DCHS2: variants seen among roughly 807,000 people sequenced by gnomAD.
DCHS2 encodes the protein dachsous cadherin-related 2.
DCHS2 carries 142 observed loss-of-function variants against 182.4 expected under a neutral mutation model. The observed-to-expected ratio is 0.78, with a 90% CI of 0.68 to 0.89. The LOEUF (loss-of-function observed/expected upper bound fraction) is 0.89, where lower values mean the gene tolerates loss of function less well. Ranked by LOEUF, DCHS2 falls within the 40% of genes least tolerant of loss-of-function variation. The pLI is 0.00. For synonymous variants in DCHS2, 1,740 were observed against 1,663.3 expected, an observed-to-expected ratio of 1.05 and a Z score of -1.12; for missense variants, 4,319 against 4,198.6, an observed-to-expected ratio of 1.03 and a Z score of -0.79.
intron 1 of DCHS2, among the ~76,000 whole-genome samples, chr4:154,432,986 T>C (rs1733620451): frequency 1.3e-5 from 2 of 152,180 alleles, no homozygotes; most frequent in Admixed American, 6.5e-5. Context: ...GGTTGAATCA[T>C]GTCCTGCAAA....
chr4:154,234,788 C>T lies in DCHS2; in HGVS notation c.9864G>A (p.Gly3288=). The T allele has an allele frequency of 6.2e-7, 1 of 1,613,980 alleles. No homozygotes were observed. Among genetic ancestry groups the T allele is most frequent in the Non-Finnish European group, 8.5e-7 (1 of 1,179,920 alleles). Residue 3288 remains glycine, a synonymous_variant, in exon 20 of 20, where the codon GGG becomes GGA. Transcript: ENST00000357232. ...GCATTCTTGGTGGGACTGCTTTAATCCCAGGCTGGGCTACTGCTGTTATCA... is the reference window on the plus strand; with the variant it reads ...GCATTCTTGGTGGGACTGCTTTAATTCCAGGCTGGGCTACTGCTGTTATCA... ...PPLITAVAQP[G]IKAVPPRMPA... is the part of the protein sequence containing the mutation.
Position 154,491,635 on chromosome 4 carries a change from C to T in DCHS2, c.-280G>A. The T allele has an allele frequency of 7.6e-7, 1 of 1,308,898 alleles. No homozygotes were observed. The highest frequency in any genetic ancestry group is 9.7e-7 in the Non-Finnish European group (1 of 1,034,250). 81.1% of individuals were successfully genotyped at this position (1,308,898 alleles called of 1,614,324 possible). A position where few individuals can be genotyped will look rare whatever the true frequency, so the allele number is the denominator to read the frequency against. On this transcript the variant is annotated 5_prime_UTR_variant, in exon 1 of 20. Transcript: ENST00000357232. ...CTTTAAACGAATCTCATCTCTTTTTCTCTCTCCTTTTATTCCCTTTACATC... is the reference window on the plus strand; with the variant it reads ...CTTTAAACGAATCTCATCTCTTTTTTTCTCTCCTTTTATTCCCTTTACATC...
intron 12 of DCHS2, among the ~76,000 whole-genome samples, chr4:154,300,379 C>A (rs1735147181): frequency 1.3e-5 from 2 of 151,980 alleles, no homozygotes; most frequent in Non-Finnish European, 2.9e-5. Flanking sequence ...ATCGAGGCAG[C>A]AATGTCAAAG....
chr4:154,259,548 T>C lies in DCHS2; in HGVS notation c.6786A>G (p.Ile2262Met). 6.2e-7 allele frequency: 1 copy of C among 1,613,650 alleles called. No individual in the cohort carries two copies. Among genetic ancestry groups the C allele is most frequent in the Non-Finnish European group, 8.5e-7 (1 of 1,179,942 alleles). ...CACACAAATATATTTCTGTTACCTG[T>C]ATGACATGAGCATTGTAGAGTTGGC... The part of the protein sequence containing the change: ...SESQLYNAHV[I>M]QVFATDLDSG... The change falls in exon 15 of 20, where the codon ATA becomes ATG. Residue 2262 changes from isoleucine to methionine, a missense_variant. Transcript: ENST00000357232.
At chr4:154,468,924 G>A (rs1208402871) in intron 1 of DCHS2, among the ~76,000 whole-genome samples, 4 of 152,156 alleles carry the variant, frequency 2.6e-5, no homozygotes, top group Admixed American at 6.5e-5. Flanking sequence ...AGGGAGAGAC[G>A]TGAAGAAGGA....
At chr4:154,318,694 G>C (rs1735946295) in intron 9 of DCHS2, among the ~76,000 whole-genome samples, 1 of 151,974 alleles carries the variant, frequency 6.6e-6, no homozygotes, top group Non-Finnish European at 1.5e-5. Flanking sequence ...AATGATGAAA[G>C]AAATTAAAGA....
chr4:154,410,048 G>C (rs1302644946), intron 1 of DCHS2, among the ~76,000 whole-genome samples: 1 of 152,142 alleles, frequency 6.6e-6, no homozygotes, highest in Non-Finnish European at 1.5e-5. Flanking sequence ...ACTCCGTAAA[G>C]TTTGGAAGAA....
chr4:154,258,367 C>CTTTTTTTTTTT (rs771510956), intron 15 of DCHS2, among the ~76,000 whole-genome samples: 65 of 58,846 alleles, frequency 1.1e-3, no homozygotes, highest in African/African-American at 1.2e-3. Flanking sequence ...AAAAGAAAGG[C>CTTTTTTTTTTT]TTTTTTTTTT....
intron 1 of DCHS2, among the ~76,000 whole-genome samples, chr4:154,479,662 T>G (rs1006947386): frequency 6.6e-6 from 1 of 152,222 alleles, no homozygotes; most frequent in Non-Finnish European, 1.5e-5. Flanking sequence ...TAAAATCTAC[T>G]AAGAATCAAG....
chr4:154,313,647 T>C (rs57464932), intron 10 of DCHS2, among the ~76,000 whole-genome samples: 40,810 of 151,980 alleles, frequency 0.27, 6,496 homozygotes, highest in South Asian at 0.36. Flanking sequence ...AAAAAAAAGA[T>C]TGAGGGAAAA....
At chr4:154,408,526 G>A (rs887575403) in intron 1 of DCHS2, among the ~76,000 whole-genome samples, 1 of 151,970 alleles carries the variant, frequency 6.6e-6, no homozygotes, top group Admixed American at 6.6e-5. Flanking sequence ...AAAAAGGAAA[G>A]ATTTAAGAAT....
At chr4:154,433,109 C>T (rs1382999113) in intron 1 of DCHS2, among the ~76,000 whole-genome samples, 1 of 152,082 alleles carries the variant, frequency 6.6e-6, no homozygotes, top group African/African-American at 2.4e-5. Flanking sequence ...TAGGCGGACC[C>T]TAAACCCAAT....
chr4:154,333,759 G>GACTGTACTGTTTGT, intron 4 of DCHS2: 1 of 444,268 alleles, frequency 2.3e-6, no homozygotes, highest in Non-Finnish European at 4.0e-6. Flanking sequence ...TGTAGCCTAG[G>GACTGTACTGTTTGT]AGCAATCGAC....
At chr4:154,325,918 T>C (rs1461018350) in intron 7 of DCHS2, among the ~76,000 whole-genome samples, 4 of 152,380 alleles carry the variant, frequency 2.6e-5, no homozygotes, top group African/African-American at 9.6e-5. Flanking sequence ...TTCTGTAAAA[T>C]CCTTGCCTTC....
At chr4:154,389,215 C>A (rs1467397442) in intron 1 of DCHS2, among the ~76,000 whole-genome samples, 1 of 152,040 alleles carries the variant, frequency 6.6e-6, no homozygotes, top group African/African-American at 2.4e-5. Context: ...TTCTCTCTCT[C>A]TTTTTTCAAC....
chr4:154,234,379 T>C lies in DCHS2; in HGVS notation c.*157A>G, dbSNP rs1560967748. 1 of 1,043,552 alleles carries C rather than the reference T, an allele frequency of 9.6e-7. No homozygotes were observed. The allele number at this position is 1,043,552 out of a possible 1,614,324, so 64.6% of individuals were successfully genotyped here. A position where few individuals can be genotyped will look rare whatever the true frequency, so the allele number is the denominator to read the frequency against. On this transcript the variant is annotated 3_prime_UTR_variant, in exon 20 of 20. Coordinates refer to ENST00000357232, the MANE Select transcript of DCHS2 (RefSeq NM_001358235.2). The stretch of plus-strand genomic sequence containing the variant: ...AACTTTTCATTAAGGCTGGAAGAAA[T>C]TGGAGAAACTTTAATGGGGAAGTTT...
chr4:154,289,405 A>C (rs550265673), intron 13 of DCHS2, among the ~76,000 whole-genome samples: 1 of 152,198 alleles, frequency 6.6e-6, no homozygotes, highest in Admixed American at 6.5e-5. Context: ...CCAAAGCCTG[A>C]ACAGACCAAT....
intron 16 of DCHS2, among the ~76,000 whole-genome samples, chr4:154,252,408 A>G (rs1041662912): frequency 4.6e-5 from 7 of 152,160 alleles, no homozygotes; most frequent in African/African-American, 7.2e-5. Flanking sequence ...CTTTTGTACC[A>G]GCAAATACTG....
intron 12 of DCHS2, 186 bp from the exon 13 acceptor site, chr4:154,298,894 A>T: frequency 1.3e-6 from 1 of 760,262 alleles, no homozygotes. Flanking sequence ...GCCCTCATGA[A>T]ACTTCTATTG....
Sources: gnomAD v4.1 joint callset for allele counts (sites outside exome capture counted in the v4.1 genomes callset) on GRCh38, gnomAD v4.1.1 for gene constraint, MANE v1.5 for transcripts, NCBI Gene and HGNC (gene_info 2026-07-23, HGNC 2026-07-21) for gene names.